TMOD1: variants seen among roughly 807,000 people sequenced by gnomAD.
TMOD1 encodes tropomodulin-1.
A neutral mutation model predicts 40.6 loss-of-function variants in TMOD1; 17 were observed. That is an observed-to-expected ratio of 0.42 (90% CI 0.29 to 0.63). The LOEUF (loss-of-function observed/expected upper bound fraction) is 0.63. Ranked by LOEUF, TMOD1 falls within the 20% of genes least tolerant of loss-of-function variation. The pLI is 0.22. For missense variants in TMOD1, 391 were observed against 447.6 expected, an observed-to-expected ratio of 0.87 and a Z score of 1.14; for synonymous variants, 181 against 175.0, an observed-to-expected ratio of 1.03 and a Z score of -0.27.
intron 8 of TMOD1, among the ~76,000 whole-genome samples, chr9:97,584,212 C>T (rs866804067): frequency 2.0e-4 from 30 of 152,246 alleles, no homozygotes; most frequent in Non-Finnish European, 2.9e-4. Flanking sequence ...TCTTTGTTCT[C>T]GTTGTTTCAA....
At chr9:97,508,188 C>A (rs1323971776) in intron 1 of TMOD1, among the ~76,000 whole-genome samples, 1 of 151,326 alleles carries the variant, frequency 6.6e-6, no homozygotes, top group East Asian at 1.9e-4. Flanking sequence ...TTTAACATTT[C>A]TTTCTTTCTT....
chr9:97,599,927 A>T lies in TMOD1; in HGVS notation c.*229A>T. On this transcript the variant is annotated 3_prime_UTR_variant, in exon 10 of 10. Coordinates refer to ENST00000259365, the MANE Select transcript of TMOD1 (RefSeq NM_003275.4). ...CAGAAGTTGAATCTGGTTATTATTT[A>T]AAAACTAGAAGCCCCCAAACCAGCA... The T allele has an allele frequency of 7.7e-7, 1 of 1,299,232 alleles. No homozygotes were observed. Among genetic ancestry groups the T allele is most frequent in the Non-Finnish European group, 9.8e-7 (1 of 1,016,656 alleles). The allele number at this position is 1,299,232 out of a possible 1,614,324, so 80.5% of individuals were successfully genotyped here. A position where few individuals can be genotyped will look rare whatever the true frequency, so the allele number is the denominator to read the frequency against.
At position 97,568,992 on chromosome 9, in the gene TMOD1, C is replaced by T; in HGVS notation, c.825C>T (p.Ala275=). ...CTGGGATTCTGCGCCTGGTAGAAGC[C>T]CTCCCATACAACACTTCTCTGGTGG... ...SGAGILRLVE[A]LPYNTSLVEM... is the part of the protein sequence containing the mutation. Residue 275 remains alanine, a synonymous_variant, in exon 8 of 10, where the codon GCC becomes GCT. Transcript: ENST00000259365. The T allele has an allele frequency of 6.2e-7, 1 of 1,614,144 alleles. No homozygotes were observed.
chr9:97,519,558 C>T (rs74497618), intron 1 of TMOD1, among the ~76,000 whole-genome samples: 3,894 of 152,316 alleles, frequency 0.026, 83 homozygotes, highest in Non-Finnish European at 0.039. Flanking sequence ...CCTGCCCATC[C>T]CTCCCCTCTC....
chr9:97,565,625 T>A (rs1830715235), intron 6 of TMOD1, among the ~76,000 whole-genome samples: 1 of 152,208 alleles, frequency 6.6e-6, no homozygotes, highest in Non-Finnish European at 1.5e-5. Context: ...AGAAAGAGGT[T>A]ACAGGTCTTA....
intron 8 of TMOD1, among the ~76,000 whole-genome samples, chr9:97,574,144 G>A (rs1322819543): frequency 6.6e-6 from 1 of 152,122 alleles, no homozygotes; most frequent in African/African-American, 2.4e-5. Flanking sequence ...TCAGCCCGCC[G>A]CTGCACTGTG....
At chr9:97,566,935 C>T (rs1830738383) in intron 7 of TMOD1, among the ~76,000 whole-genome samples, 1 of 152,094 alleles carries the variant, frequency 6.6e-6, no homozygotes, top group South Asian at 2.1e-4. Context: ...AGATTCTGGT[C>T]CATTTGGCCA....
intron 8 of TMOD1, among the ~76,000 whole-genome samples, chr9:97,577,476 AT>A (rs1048699300): frequency 1.3e-5 from 2 of 151,920 alleles, no homozygotes; most frequent in African/African-American, 2.4e-5. Context: ...CTGTGCTTCA[AT>A]TTTTTTTGCC....
At position 97,513,615 on chromosome 9, in the gene TMOD1, G is replaced by A. The variant is rs1829743975; in HGVS notation, c.-48-10526G>A. 6.6e-6 allele frequency: 1 copy of A among 152,162 alleles called. No homozygotes were observed. Among genetic ancestry groups the A allele is most frequent in the African/African-American group, 2.4e-5 (1 of 41,412 alleles). The allele number at this position is 152,162 out of a possible 1,614,324, so 9.4% of individuals were successfully genotyped here. On this transcript the variant is annotated intron_variant, in intron 1 of 9. Transcript: ENST00000259365. The surrounding 1 kb of genome is among the most constrained non-coding windows in gnomAD (Gnocchi z 4.1). ...GTTAATTATAAGCGCCTGAGAGCTA[G>A]GACTTCTTATTAATTTCTGTCTCTC... is the stretch of plus-strand genomic sequence containing the variant.
chr9:97,572,337 G>A (rs1830831679), intron 8 of TMOD1, among the ~76,000 whole-genome samples: 1 of 152,144 alleles, frequency 6.6e-6, no homozygotes, highest in Non-Finnish European at 1.5e-5. Context: ...TAGGGAAAGT[G>A]GGCTGTGCTG....
intron 8 of TMOD1, among the ~76,000 whole-genome samples, chr9:97,580,320 A>G (rs1825719106): frequency 6.6e-6 from 1 of 152,340 alleles, no homozygotes; most frequent in East Asian, 1.9e-4. Flanking sequence ...GAAATAATAC[A>G]GAGGAGCCGA....
intron 1 of TMOD1, among the ~76,000 whole-genome samples, chr9:97,504,828 G>T (rs1829567301): frequency 6.6e-6 from 1 of 152,124 alleles, no homozygotes; most frequent in Admixed American, 6.5e-5. Flanking sequence ...TGACTTTTCA[G>T]TCTTACTAAT....
chr9:97,578,437 C>T (rs1236002236), intron 8 of TMOD1, among the ~76,000 whole-genome samples: 1 of 152,180 alleles, frequency 6.6e-6, no homozygotes, highest in East Asian at 1.9e-4. Flanking sequence ...AATGGGTTTG[C>T]TCTGAGATGA....
At chr9:97,508,014 A>C (rs1200538679) in intron 1 of TMOD1, among the ~76,000 whole-genome samples, 1 of 150,568 alleles carries the variant, frequency 6.6e-6, no homozygotes, top group African/African-American at 2.4e-5. Flanking sequence ...GGGGGCCTTA[A>C]ATAGCAATTG....
Position 97,502,782 on chromosome 9 carries a change from C to G in TMOD1, c.-49+979C>G, listed in dbSNP as rs1033672801. ...ACTTTTGGGGTGCCTATGGGCATCT[C>G]TCTGCTCCGTAGCCGGCAAAGCAGC... On this transcript the variant is annotated intron_variant, in intron 1 of 9. Transcript: ENST00000259365. The surrounding 1 kb of genome is among the most constrained non-coding windows in gnomAD (Gnocchi z 6.1). 1.3e-5 allele frequency among the ~76,000 whole-genome samples: 2 copies of G among 152,216 alleles called. No individual in the cohort carries two copies. The highest frequency in any genetic ancestry group is 2.9e-5 in the Non-Finnish European group (2 of 68,034).
rs921421153 is a variant in TMOD1 at position 97,562,139 on chromosome 9, C to T, written c.398-593C>T. ...GAATGGATGAAAGAATGGCTGAGCA[C>T]GGGAGCAATAAGATCAGGTTGGCAT... On this transcript the variant is annotated intron_variant, in intron 4 of 9. Coordinates refer to ENST00000259365, the MANE Select transcript of TMOD1 (RefSeq NM_003275.4). Among the ~76,000 whole-genome samples the T allele has an allele frequency of 3.9e-5, 6 of 152,134 alleles. No homozygotes were observed. The South Asian group carries it at 1.0e-3, about 26-fold the overall frequency.
chr9:97,555,691 C>A, intron 4 of TMOD1: 1 of 1,550,648 alleles, frequency 6.4e-7, no homozygotes, highest in Non-Finnish European at 8.7e-7. Context: ...TTTTGACCAC[C>A]TACCATGTCC....
chr9:97,517,336 GA>G (rs1049776206), intron 1 of TMOD1, among the ~76,000 whole-genome samples: 18 of 149,920 alleles, frequency 1.2e-4, no homozygotes, highest in East Asian at 3.9e-4. Flanking sequence ...GGTGATGGGG[GA>G]AAAAAAAAAA....
chr9:97,576,928 C>T (rs749860598), intron 8 of TMOD1, among the ~76,000 whole-genome samples: 19 of 152,256 alleles, frequency 1.2e-4, no homozygotes, highest in African/African-American at 3.9e-4. Flanking sequence ...CGTGAGCCAT[C>T]GCGCCTGGCC....
Sources: allele counts gnomAD v4.1 joint callset (sites outside exome capture counted in the v4.1 genomes callset), GRCh38; gene constraint gnomAD v4.1.1; non-coding constraint Gnocchi (gnomAD v3.1); transcripts MANE v1.5; gene names NCBI Gene and HGNC (gene_info 2026-07-23, HGNC 2026-07-21).